NPAS3: variants seen among roughly 807,000 people sequenced by gnomAD.
The protein encoded by NPAS3 is neuronal PAS domain-containing protein 3.
In NPAS3, 14 loss-of-function variants were observed where a neutral mutation model predicts 73.1. The ratio of observed to expected loss-of-function variants is 0.19; its 90% CI spans 0.13 to 0.30. The LOEUF is 0.30. Among genes scored for constraint, NPAS3 ranks in the 10% least tolerant of loss-of-function variants. The pLI is 1.00. For synonymous variants in NPAS3, 620 were observed against 541.5 expected, an observed-to-expected ratio of 1.14 and a Z score of -2.01; for missense variants, 1,096 against 1,250.0, an observed-to-expected ratio of 0.88 and a Z score of 1.86.
chr14:33,457,514 G>C (rs1314288146), intron 4 of NPAS3, among the ~76,000 whole-genome samples: 1 of 152,206 alleles, frequency 6.6e-6, no homozygotes, highest in Non-Finnish European at 1.5e-5. Context: ...CATAGCAGGA[G>C]CAATGCCTCC....
At chr14:33,560,639 G>A (rs1365809151) in intron 5 of NPAS3, among the ~76,000 whole-genome samples, 1 of 151,912 alleles carries the variant, frequency 6.6e-6, no homozygotes, top group Non-Finnish European at 1.5e-5. Context: ...TGCCGAAAGA[G>A]ACCATTAAAA....
chr14:33,755,059 C>A lies in NPAS3; in HGVS notation c.853-19278C>A, dbSNP rs533626665. 2.6e-5 allele frequency among the ~76,000 whole-genome samples: 4 copies of A among 152,250 alleles called. No individual in the cohort carries two copies. In the East Asian group the frequency reaches 5.8e-4, roughly 22 times the overall value. ...AGGATCAACAGATGTAGGTTTTAGTCCTCGTTTTGCCACTTGATATATATT... is the reference window on the plus strand; with the variant it reads ...AGGATCAACAGATGTAGGTTTTAGTACTCGTTTTGCCACTTGATATATATT... On this transcript the variant is annotated intron_variant, in intron 7 of 11. Coordinates refer to ENST00000356141, the Ensembl canonical transcript of NPAS3.
chr14:32,974,345 CA>C (rs1444178935), intron 1 of NPAS3, among the ~76,000 whole-genome samples: 1 of 152,070 alleles, frequency 6.6e-6, no homozygotes, highest in Non-Finnish European at 1.5e-5. Flanking sequence ...TAATAACACA[CA>C]AAAACATGAA....
intron 4 of NPAS3, among the ~76,000 whole-genome samples, chr14:33,403,252 G>A (rs2047522025): frequency 6.6e-6 from 1 of 151,998 alleles, no homozygotes. Flanking sequence ...TTGCTCACAA[G>A]AAAGTTATAG....
At chr14:33,408,900 T>C (rs750627268) in intron 4 of NPAS3, among the ~76,000 whole-genome samples, 5 of 152,140 alleles carry the variant, frequency 3.3e-5, no homozygotes, top group Non-Finnish European at 5.9e-5. Flanking sequence ...AAGTGGAGTA[T>C]GTGGAATATA....
intron 2 of NPAS3, among the ~76,000 whole-genome samples, chr14:33,077,269 G>A (rs2041692331): frequency 6.6e-6 from 1 of 152,162 alleles, no homozygotes; most frequent in African/African-American, 2.4e-5. Context: ...CTGAAAGGGT[G>A]ACAATGAGCA....
At chr14:33,144,425 C>A (rs188135593) in intron 2 of NPAS3, among the ~76,000 whole-genome samples, 1 of 152,196 alleles carries the variant, frequency 6.6e-6, no homozygotes, top group Admixed American at 6.5e-5. Context: ...ACTTTTGTAA[C>A]GTTTTCATCA....
chr14:33,169,644 T>C (rs565616456), intron 2 of NPAS3, among the ~76,000 whole-genome samples: 1 of 152,336 alleles, frequency 6.6e-6, no homozygotes, highest in South Asian at 2.1e-4. Context: ...ATTTCATTTT[T>C]GTTAGGATTT....
chr14:32,957,299 A>G lies in NPAS3; in HGVS notation c.50+17933A>G, dbSNP rs114107856. ...GATAAGCTCTTTATTAACTTTTTAA[A>G]CATTTGAATTTGTTAATTTGTAACT... is the stretch of plus-strand genomic sequence containing the variant. On this transcript the variant is annotated intron_variant, in intron 1 of 11. Coordinates refer to ENST00000356141, the Ensembl canonical transcript of NPAS3. Among the ~76,000 whole-genome samples the G allele has an allele frequency of 7.8e-3, 1,194 of 152,164 alleles. 14 individuals are homozygous for G. The highest frequency in any genetic ancestry group is 0.012 in the Non-Finnish European group (795 of 67,996).
intron 4 of NPAS3, among the ~76,000 whole-genome samples, chr14:33,449,615 A>C (rs1163970802): frequency 6.6e-6 from 1 of 151,930 alleles, no homozygotes; most frequent in African/African-American, 2.4e-5. Flanking sequence ...ACACACACAT[A>C]TACATGCACA....
chr14:33,565,685 C>A (rs899385567), intron 5 of NPAS3, among the ~76,000 whole-genome samples: 4 of 151,664 alleles, frequency 2.6e-5, no homozygotes, highest in Non-Finnish European at 5.9e-5. Context: ...ATCATGACAT[C>A]CTAAAGAGCT....
intron 4 of NPAS3, among the ~76,000 whole-genome samples, chr14:33,521,546 T>C (rs1003891982): frequency 3.4e-5 from 5 of 147,736 alleles, no homozygotes; most frequent in Non-Finnish European, 7.4e-5. Flanking sequence ...ACATTAGAGA[T>C]GTGTAAGAAT....
intron 5 of NPAS3, among the ~76,000 whole-genome samples, chr14:33,665,298 G>A (rs1040893522): frequency 6.6e-6 from 1 of 151,730 alleles, no homozygotes; most frequent in Admixed American, 6.6e-5. Context: ...ACTGCCAGGG[G>A]GTCGGGGGCT....
At chr14:33,677,190 G>A (rs1425764092) in intron 6 of NPAS3, among the ~76,000 whole-genome samples, 1 of 152,174 alleles carries the variant, frequency 6.6e-6, no homozygotes, top group East Asian at 1.9e-4. Context: ...TTAGATCTGC[G>A]AAGGATTTAT....
At chr14:32,999,364 G>A (rs540005555) in intron 1 of NPAS3, among the ~76,000 whole-genome samples, 5 of 151,950 alleles carry the variant, frequency 3.3e-5, no homozygotes, top group Non-Finnish European at 7.4e-5. Flanking sequence ...ACAAAAAATT[G>A]GCTAGGCGTG....
chr14:33,455,439 G>C (rs1329994743), intron 4 of NPAS3, among the ~76,000 whole-genome samples: 1 of 152,220 alleles, frequency 6.6e-6, no homozygotes, highest in East Asian at 1.9e-4. Context: ...TGTGAGAACA[G>C]AGAGTGGAAC....
rs1013106125 is a variant in NPAS3, at chr14:32,978,879, C to G, written c.50+39513C>G. ...TTCAGGCTGATATTTTCCTTCGTCT[C>G]TAAGGTGACACCCTTTGAAGATGTC... On this transcript the variant is annotated intron_variant, in intron 1 of 11. Transcript: ENST00000356141. Among the ~76,000 whole-genome samples, 5 of 152,248 alleles carry G rather than the reference C, an allele frequency of 3.3e-5. No individual in the cohort carries two copies. In the East Asian group the frequency reaches 9.7e-4, roughly 29 times the overall value.
intron 1 of NPAS3, among the ~76,000 whole-genome samples, chr14:33,051,810 A>G (rs1425362706): frequency 2.0e-5 from 3 of 152,182 alleles, no homozygotes; most frequent in Non-Finnish European, 4.4e-5. Context: ...CCCAGCCTGG[A>G]GTGCAGTGGT....
At chr14:33,182,126 T>C (rs1047895039) in intron 2 of NPAS3, among the ~76,000 whole-genome samples, 5 of 152,336 alleles carry the variant, frequency 3.3e-5, no homozygotes, top group African/African-American at 7.2e-5. Context: ...CAATAAATGA[T>C]TGACGAGTGA....
Sources: allele counts gnomAD v4.1 joint callset (sites outside exome capture counted in the v4.1 genomes callset), GRCh38; gene constraint gnomAD v4.1.1; transcripts MANE v1.5; gene names NCBI Gene and HGNC (gene_info 2026-07-23, HGNC 2026-07-21).